ZWILCH: variants seen among roughly 807,000 people sequenced by gnomAD.
The protein encoded by ZWILCH is zwilch kinetochore protein.
Under a neutral mutation model 79.9 loss-of-function variants are expected in ZWILCH, and 74 were observed. The ratio of observed to expected loss-of-function variants is 0.93; its 90% confidence interval spans 0.77 to 1.12. The LOEUF is 1.12. ZWILCH is among the 50% of genes most tolerant of loss of function. The pLI is 0.00. For synonymous variants in ZWILCH, 241 were observed against 228.2 expected, an observed-to-expected ratio of 1.06 and a Z score of -0.51; for missense variants, 694 against 687.5, an observed-to-expected ratio of 1.01 and a Z score of -0.11.
chr15:66,513,161 C>T (rs1001322192), intron 2 of ZWILCH, among the ~76,000 whole-genome samples: 4 of 152,134 alleles, frequency 2.6e-5, no homozygotes, highest in African/African-American at 9.7e-5. Flanking sequence ...AAGCTCCTGA[C>T]CTCAAGTGAT....
At chr15:66,508,813 G>T (rs1290820363) in intron 1 of ZWILCH, 28 bp from the exon 2 acceptor site, 1 of 1,613,566 alleles carries the variant, frequency 6.2e-7, no homozygotes, top group South Asian at 1.1e-5. Context: ...ATGTAGTTCT[G>T]TTTTTCACAT....
intron 13 of ZWILCH, 24 bp downstream of exon 13, chr15:66,532,427 A>G: frequency 1.9e-6 from 3 of 1,579,638 alleles, no homozygotes; most frequent in Non-Finnish European, 2.6e-6. Flanking sequence ...CTGGCTCAAA[A>G]AATTAAAAAA....
intron 16 of ZWILCH, 62 bp downstream of exon 16, chr15:66,537,325 A>T: frequency 8.1e-7 from 1 of 1,229,184 alleles, no homozygotes; most frequent in Non-Finnish European, 1.2e-6. Context: ...TGGGAGGCTG[A>T]GGTGGGAGGA....
At chr15:66,517,798 T>C (rs1193971477) in intron 4 of ZWILCH, among the ~76,000 whole-genome samples, 2 of 134,882 alleles carry the variant, frequency 1.5e-5, no homozygotes, top group Non-Finnish European at 3.1e-5. Context: ...AATGGCGTGA[T>C]CTCGGCTCAC....
chr15:66,529,607 C>G (rs376646828), intron 12 of ZWILCH, 34 bp downstream of exon 12: 88 of 1,509,720 alleles, frequency 5.8e-5, no homozygotes, highest in Non-Finnish European at 7.8e-5. Context: ...ATCATTTTCT[C>G]AGCAGCATAG....
intron 7 of ZWILCH, among the ~76,000 whole-genome samples, chr15:66,522,331 C>CTTT (rs1292788536): frequency 2.9e-5 from 4 of 135,858 alleles, no homozygotes; most frequent in African/African-American, 5.5e-5. Flanking sequence ...AGATTTCTTT[C>CTTT]TTTTTTTTTT....
chr15:66,520,398 T>A, intron 5 of ZWILCH, 192 bp from the exon 6 acceptor site: 1 of 511,036 alleles, frequency 2.0e-6, no homozygotes, highest in South Asian at 2.2e-5. Context: ...TGGGATTATA[T>A]GTGTGAGCCA....
chr15:66,546,649 G>A lies in ZWILCH; in HGVS notation c.1746G>A (p.Met582Ile), dbSNP rs759726067. 1 of 1,608,542 alleles carries A rather than the reference G, an allele frequency of 6.2e-7. No individual in the cohort carries two copies. Among genetic ancestry groups the A allele is most frequent in the Non-Finnish European group, 8.5e-7 (1 of 1,177,470 alleles). The stretch of plus-strand genomic sequence containing the variant: ...AAGAAAGGATATTCTTTACTAACAT[G>A]GTTACCTGCAGCCAGGTGCATTTCA... ...SLEERIFFTNMVTCSQVHFK is the reference protein window; with the variant it reads ...SLEERIFFTNIVTCSQVHFK Residue 582 changes from methionine (M) to isoleucine (I), a missense_variant, in exon 18 of 19, where the codon ATG (methionine) becomes ATA (isoleucine). Met to Ile is a conservative substitution (Grantham distance 10). Coordinates refer to ENST00000307897, the MANE Select transcript of ZWILCH (RefSeq NM_017975.5).
intron 5 of ZWILCH, among the ~76,000 whole-genome samples, chr15:66,519,643 AC>A (rs1894419448): frequency 6.6e-6 from 1 of 151,936 alleles, no homozygotes. Context: ...TTTAATAGAG[AC>A]GGGGTTACAC....
At chr15:66,517,715 T>G (rs973952884) in intron 4 of ZWILCH, among the ~76,000 whole-genome samples, 11 of 141,606 alleles carry the variant, frequency 7.8e-5, no homozygotes, top group Admixed American at 2.2e-4. Flanking sequence ...CCTACTTCTT[T>G]CTTTTCTTTC....
chr15:66,541,115 C>CA (rs545912418), intron 17 of ZWILCH, among the ~76,000 whole-genome samples: 4,572 of 118,450 alleles, frequency 0.039, 94 homozygotes, highest in South Asian at 0.067. Flanking sequence ...CCCATCTCTA[C>CA]AAAAAAAAAA....
chr15:66,510,630 T>G (rs1441099141), intron 2 of ZWILCH, among the ~76,000 whole-genome samples: 2 of 152,124 alleles, frequency 1.3e-5, no homozygotes, highest in Non-Finnish European at 2.9e-5. Context: ...TACTGCAAAT[T>G]AGGCAGCTTC....
chr15:66,528,167 C>T (rs1894742512), intron 10 of ZWILCH, among the ~76,000 whole-genome samples: 1 of 152,118 alleles, frequency 6.6e-6, no homozygotes, highest in South Asian at 2.1e-4. Context: ...GCAGTGGCTC[C>T]ACCATGGCTC....
At chr15:66,547,819 C>T (rs1248329921) in intron 18 of ZWILCH, 1 of 152,200 alleles carries the variant, frequency 6.6e-6, no homozygotes, top group Non-Finnish European at 1.5e-5. Flanking sequence ...CGGAGTCTTT[C>T]TCTGTTGCAC....
intron 14 of ZWILCH, among the ~76,000 whole-genome samples, chr15:66,535,296 T>C (rs998633610): frequency 2.0e-5 from 3 of 152,302 alleles, no homozygotes; most frequent in Middle Eastern, 6.8e-3. Flanking sequence ...ATATCACAGC[T>C]AACAAGGGAA....
intron 17 of ZWILCH, among the ~76,000 whole-genome samples, chr15:66,541,522 G>A (rs1169992452): frequency 2.0e-5 from 3 of 152,116 alleles, no homozygotes; most frequent in Non-Finnish European, 2.9e-5. Flanking sequence ...TGGTTAAAAC[G>A]ATGATGATAT....
Position 66,548,452 on chromosome 15 carries a change from A to G in ZWILCH, c.*128A>G, listed in dbSNP as rs1325285370. On this transcript the variant is annotated 3_prime_UTR_variant, in exon 19 of 19. Coordinates refer to ENST00000307897, the MANE Select transcript of ZWILCH (RefSeq NM_017975.5). ...AGCAGAAAAGGGAGGAAGATCCTGAAGATTCTCTTATGAAGCTCCAAAATT... is the reference window on the plus strand; with the variant it reads ...AGCAGAAAAGGGAGGAAGATCCTGAGGATTCTCTTATGAAGCTCCAAAATT... The G allele has an allele frequency of 3.5e-6, 4 of 1,134,992 alleles. No individual in the cohort carries two copies. The highest frequency in any genetic ancestry group is 1.3e-5 in the South Asian group (1 of 74,330). 70.3% of individuals were successfully genotyped at this position (1,134,992 alleles called of 1,614,324 possible).
chr15:66,529,633 C>T, intron 12 of ZWILCH, 60 bp downstream of exon 12: 3 of 1,359,850 alleles, frequency 2.2e-6, no homozygotes, highest in Non-Finnish European at 3.1e-6. Flanking sequence ...TGTAAAGACA[C>T]AGGCTCTGAA....
At chr15:66,505,513 G>A in intron 1 of ZWILCH, 122 bp downstream of exon 1, 1 of 1,247,998 alleles carries the variant, frequency 8.0e-7, no homozygotes, top group Non-Finnish European at 1.1e-6. Context: ...CTTTCCTGGG[G>A]TCCAGGAGTT....
Sources: gnomAD v4.1 joint callset for allele counts (sites outside exome capture counted in the v4.1 genomes callset) on GRCh38, gnomAD v4.1.1 for gene constraint, MANE v1.5 for transcripts, NCBI Gene and HGNC (gene_info 2026-07-23, HGNC 2026-07-21) for gene names.